Variants in AGO2 observed in about 807,000 individuals in gnomAD.
AGO2 encodes protein argonaute-2.
AGO2 carries 5 observed loss-of-function variants against 102.3 expected under a neutral mutation model. That is an observed-to-expected ratio of 0.05 (90% confidence interval 0.03 to 0.10). The LOEUF is 0.10. Among genes scored for constraint, AGO2 ranks in the 10% least tolerant of loss-of-function variants. AGO2 has a pLI of 1.00. For missense variants in AGO2, 541 were observed against 1,183.7 expected, an observed-to-expected ratio of 0.46 and a Z score of 7.97; for synonymous variants, 449 against 473.1, an observed-to-expected ratio of 0.95 and a Z score of 0.66.
intron 1 of AGO2, among the ~76,000 whole-genome samples, chr8:140,631,536 CAAAAAAA>C (rs778104531): frequency 1.3e-5 from 1 of 76,344 alleles, no homozygotes; most frequent in African/African-American, 5.0e-5. Flanking sequence ...GACTCCGTCT[CAAAAAAA>C]AAAAAAAGAA....
chr8:140,556,945 T>A, intron 8 of AGO2, 144 bp downstream of exon 8: 1 of 1,244,786 alleles, frequency 8.0e-7, no homozygotes, highest in Non-Finnish European at 1.1e-6. Context: ...ACAAAGCCCA[T>A]TAACCCACCC....
rs2072518379 is a variant in AGO2, at chr8:140,527,021, G to A, written c.*5023C>T. On this transcript the variant is annotated 3_prime_UTR_variant, in exon 19 of 19. Transcript: ENST00000220592. The surrounding 1 kb of genome is among the most constrained non-coding windows in gnomAD (Gnocchi z 6.0). ...GGCCCTTGCGTCCTAGTAGCAGGCG[G>A]AGCAGATGCCTCCCGTCTGGACTGT... The A allele has an allele frequency of 6.6e-6, 1 of 152,118 alleles. No homozygotes were observed. The highest frequency in any genetic ancestry group is 6.5e-5 in the Admixed American group (1 of 15,276). 9.4% of individuals were successfully genotyped at this position (152,118 alleles called of 1,614,324 possible). A position where few individuals can be genotyped will look rare whatever the true frequency, so the allele number is the denominator to read the frequency against.
At position 140,539,905 on chromosome 8, in the gene AGO2, G is replaced by A. The variant is rs934325644; in HGVS notation, c.2035-451C>T. 3.9e-5 allele frequency among the ~76,000 whole-genome samples: 6 copies of A among 152,146 alleles called. No individual in the cohort carries two copies. Among genetic ancestry groups the A allele is most frequent in the African/African-American group, 1.4e-4 (6 of 41,440 alleles). On this transcript the variant is annotated intron_variant, in intron 15 of 18. Transcript: ENST00000220592. This position sits in a 1 kb window ranked among gnomAD's most constrained non-coding sequence, Gnocchi z 4.7. ...AGATCGAGATCATCCTGGCCAACAT[G>A]GTGAAACCCCATTTCTACTAAAAAT... is the stretch of plus-strand genomic sequence containing the variant.
At chr8:140,635,424 C>G (rs999112931) in intron 1 of AGO2, 61 bp downstream of exon 1, 1 of 977,892 alleles carries the variant, frequency 1.0e-6, no homozygotes, top group African/African-American at 1.8e-5. Flanking sequence ...GCGCCGGGCC[C>G]GCCAACCACG....
intron 1 of AGO2, among the ~76,000 whole-genome samples, chr8:140,626,143 G>A (rs1002120740): frequency 1.1e-4 from 17 of 152,182 alleles, no homozygotes; most frequent in African/African-American, 3.9e-4. Flanking sequence ...GCGCCCTTTC[G>A]GCGTCGCTCC....
chr8:140,614,318 C>T lies in AGO2; in HGVS notation c.22+21167G>A, dbSNP rs180818358. ...CAGCCTAGGAGACAGAGTGAGACTC[C>T]GTCTCAAAACAAAACAAAAGCAAAG... On this transcript the variant is annotated intron_variant, in intron 1 of 18. Transcript: ENST00000220592. Among the ~76,000 whole-genome samples the T allele has an allele frequency of 3.8e-4, 58 of 152,120 alleles. No individual in the cohort carries two copies. In the East Asian group the frequency reaches 7.0e-3, roughly 18 times the overall value.
chr8:140,540,471 C>T lies in AGO2; in HGVS notation c.2034+693G>A, dbSNP rs138641165. Among the ~76,000 whole-genome samples, 1,272 of 152,286 alleles carry T rather than the reference C, an allele frequency of 8.4e-3. 6 individuals carry two copies. The highest frequency in any genetic ancestry group is 0.014 in the Non-Finnish European group (927 of 68,014). ...GTGGGGAGGAATCGGCTCTAGCCAA[C>T]GGGAGAAACATTCAGGGCACCCATC... is the stretch of plus-strand genomic sequence containing the variant. On this transcript the variant is annotated intron_variant, in intron 15 of 18. Coordinates refer to ENST00000220592, the MANE Select transcript of AGO2 (RefSeq NM_012154.5). The surrounding 1 kb of genome is among the most constrained non-coding windows in gnomAD (Gnocchi z 5.0).
chr8:140,592,964 GCAGAC>G (rs1280171820), intron 1 of AGO2: 2 of 152,356 alleles, frequency 1.3e-5, no homozygotes, highest in Non-Finnish European at 2.9e-5. Flanking sequence ...CACCTGGGCA[GCAGAC>G]CACAGGGCTA....
chr8:140,585,269 G>A lies in AGO2; in HGVS notation c.65C>T (p.Ala22Val). The A allele has an allele frequency of 6.2e-7, 1 of 1,614,126 alleles. No homozygotes were observed. The highest frequency in any genetic ancestry group is 8.5e-7 in the Non-Finnish European group (1 of 1,180,012). ...PAPPPPIQGYAFKPPPRPDFG... is the reference protein window; with the variant it reads ...PAPPPPIQGYVFKPPPRPDFG... Reference sequence around the variant, plus strand: ...GTCGGGTCTAGGTGGAGGCTTGAAGGCATATCCTTGGATGGGGGGCGGCGG... The same window carrying A: ...GTCGGGTCTAGGTGGAGGCTTGAAGACATATCCTTGGATGGGGGGCGGCGG... The change falls in exon 2 of 19, where the codon GCC becomes GTC. Residue 22 changes from alanine to valine, a missense_variant. Transcript: ENST00000220592.
chr8:140,565,451 A>AC (rs921976744), intron 3 of AGO2, among the ~76,000 whole-genome samples: 38 of 149,578 alleles, frequency 2.5e-4, no homozygotes, highest in Non-Finnish European at 5.2e-4. Context: ...AAAAAAAAAA[A>AC]AACCCAAAAA....
Position 140,523,655 on chromosome 8 carries a change from A to G in AGO2, c.*8389T>C, listed in dbSNP as rs1487060997. ...ATGAATTCATACCTTTAACAACTACATTAAAATCCACTATCAAACTCAGGC... is the reference window on the plus strand; with the variant it reads ...ATGAATTCATACCTTTAACAACTACGTTAAAATCCACTATCAAACTCAGGC... On this transcript the variant is annotated 3_prime_UTR_variant, in exon 19 of 19. Coordinates refer to ENST00000220592, the MANE Select transcript of AGO2 (RefSeq NM_012154.5). 1.3e-5 allele frequency: 2 copies of G among 152,226 alleles called. No individual in the cohort carries two copies. The highest frequency in any genetic ancestry group is 6.5e-5 in the Admixed American group (1 of 15,290). The allele number at this position is 152,226 out of a possible 1,614,324, so 9.4% of individuals were successfully genotyped here.
chr8:140,521,813 A>G lies in AGO2; in HGVS notation c.*10231T>C, dbSNP rs1284127618. The G allele has an allele frequency of 6.6e-6, 1 of 152,254 alleles. No individual in the cohort carries two copies. Among genetic ancestry groups the G allele is most frequent in the Non-Finnish European group, 1.5e-5 (1 of 68,044 alleles). The allele number at this position is 152,254 out of a possible 1,614,324, so 9.4% of individuals were successfully genotyped here. A position where few individuals can be genotyped will look rare whatever the true frequency, so the allele number is the denominator to read the frequency against. On this transcript the variant is annotated 3_prime_UTR_variant, in exon 19 of 19. Coordinates refer to ENST00000220592, the MANE Select transcript of AGO2 (RefSeq NM_012154.5). ...CAACAGTCCGTTTGCTGCTTATGAA[A>G]TAAACTCTTAGAAAATGTGCCAGAG...
At position 140,573,889 on chromosome 8, in the gene AGO2, G is replaced by T. The variant is rs563757054; in HGVS notation, c.216-957C>A. 3.3e-5 allele frequency among the ~76,000 whole-genome samples: 5 copies of T among 152,302 alleles called. No individual in the cohort carries two copies. In the South Asian group the frequency reaches 6.2e-4, roughly 19 times the overall value. ...TTGTGAGACTGGCTTGGCCTTCTGT[G>T]CTCCTCTGATTGCCAGAAGAATGAG... is the stretch of plus-strand genomic sequence containing the variant. On this transcript the variant is annotated intron_variant, in intron 2 of 18. Coordinates refer to ENST00000220592, the MANE Select transcript of AGO2 (RefSeq NM_012154.5).
intron 2 of AGO2, among the ~76,000 whole-genome samples, chr8:140,577,389 T>G (rs766207746): frequency 1.6e-4 from 24 of 152,260 alleles, no homozygotes; most frequent in Middle Eastern, 3.4e-3. Context: ...TTAACTGCAA[T>G]GGGGCAGGTG....
intron 1 of AGO2, among the ~76,000 whole-genome samples, chr8:140,585,673 G>T (rs961070819): frequency 1.3e-5 from 2 of 152,186 alleles, no homozygotes; most frequent in African/African-American, 4.8e-5. Context: ...CTCAGGAAGC[G>T]CTTTTTACTA....
chr8:140,555,882 C>T lies in AGO2; in HGVS notation c.1269+14G>A, dbSNP rs191899549. The T allele has an allele frequency of 4.4e-5, 71 of 1,610,652 alleles. No individual in the cohort carries two copies. In the Middle Eastern group the frequency reaches 2.1e-3, roughly 49 times the overall value. Reference sequence around the variant, plus strand: ...TGCCCCGCAGCCACACGTTCCCCGCCGCCCCACACGTACCCTGCCCCCGTA... The same window carrying T: ...TGCCCCGCAGCCACACGTTCCCCGCTGCCCCACACGTACCCTGCCCCCGTA... On this transcript the variant is annotated intron_variant, in intron 10 of 18. Coordinates refer to ENST00000220592, the MANE Select transcript of AGO2 (RefSeq NM_012154.5).
Position 140,539,587 on chromosome 8 carries a change from G to T in AGO2, c.2035-133C>A. Reference sequence around the variant, plus strand: ...GAGACAATGAGTGTGTTCACGGGGAGGTGAAAACACGGGGGCAGAAACCAT... The same window carrying T: ...GAGACAATGAGTGTGTTCACGGGGATGTGAAAACACGGGGGCAGAAACCAT... On this transcript the variant is annotated intron_variant, in intron 15 of 18. Coordinates refer to ENST00000220592, the MANE Select transcript of AGO2 (RefSeq NM_012154.5). This position sits in a 1 kb window ranked among gnomAD's most constrained non-coding sequence, Gnocchi z 4.7. The T allele has an allele frequency of 9.2e-7, 1 of 1,089,444 alleles. No individual in the cohort carries two copies. The highest frequency in any genetic ancestry group is 1.3e-6 in the Non-Finnish European group (1 of 768,906). The allele number at this position is 1,089,444 out of a possible 1,614,324, so 67.5% of individuals were successfully genotyped here.
intron 2 of AGO2, among the ~76,000 whole-genome samples, chr8:140,581,112 G>C (rs1441381106): frequency 6.6e-6 from 1 of 152,254 alleles, no homozygotes; most frequent in Non-Finnish European, 1.5e-5. Flanking sequence ...CAACAGCCCA[G>C]AAAATGTGGG....
chr8:140,555,943 C>T lies in AGO2; in HGVS notation c.1222G>A (p.Val408Met), dbSNP rs1460562478. 1.2e-6 allele frequency: 2 copies of T among 1,614,100 alleles called. No homozygotes were observed. Among genetic ancestry groups the T allele is most frequent in the Admixed American group, 1.7e-5 (1 of 60,010 alleles). The change falls in exon 10 of 19, where the codon GTG becomes ATG. Residue 408 changes from valine to methionine, a missense_variant. Coordinates refer to ENST00000220592, the MANE Select transcript of AGO2 (RefSeq NM_012154.5). The part of the protein sequence containing the change: ...GIMVKDEMTD[V>M]TGRVLQPPSI... ...GGCGGCTGCAGCACCCGCCCAGTCA[C>T]GTCTGTCATCTCATCTTTGACCATG...
Sources: allele counts gnomAD v4.1 joint callset (sites outside exome capture counted in the v4.1 genomes callset), GRCh38; gene constraint gnomAD v4.1.1; non-coding constraint Gnocchi (gnomAD v3.1); transcripts MANE v1.5; gene names NCBI Gene and HGNC (gene_info 2026-07-23, HGNC 2026-07-21).